Variants in MCTP1 observed in about 807,000 individuals in gnomAD.
MCTP1 encodes the protein multiple C2 and transmembrane domain containing 1, also known as multiple C2 and transmembrane domain-containing protein 1.
Under a neutral mutation model 120.6 loss-of-function variants are expected in MCTP1, and 69 were observed. The ratio of observed to expected loss-of-function variants is 0.57; its 90% CI spans 0.47 to 0.70. The LOEUF (loss-of-function observed/expected upper bound fraction) is 0.70, where lower values mean the gene tolerates loss of function less well. Ranked by LOEUF, MCTP1 falls within the 30% of genes least tolerant of loss-of-function variation. The pLI is 0.00. For missense variants in MCTP1, 1,203 were observed against 1,248.8 expected (o/e 0.96, Z 0.55); for synonymous variants, 529 against 493.1 (o/e 1.07, Z -0.96).
chr5:95,080,588 C>G lies in MCTP1; in HGVS notation c.721-63104G>C, dbSNP rs1754678746. Among the ~76,000 whole-genome samples, 3 of 152,100 alleles carry G rather than the reference C, an allele frequency of 2.0e-5. No homozygotes were observed. In the South Asian group the frequency reaches 6.2e-4, roughly 32 times the overall value. On this transcript the variant is annotated intron_variant, in intron 1 of 22. Coordinates refer to ENST00000515393, the MANE Select transcript of MCTP1 (RefSeq NM_024717.7). ...TTTCTAGCTGAAAGGAATTTAAAGGCCTTAAATATGAGTATGCAAAGTTCT... is the reference window on the plus strand; with the variant it reads ...TTTCTAGCTGAAAGGAATTTAAAGGGCTTAAATATGAGTATGCAAAGTTCT...
rs886441424 is a variant in MCTP1 at position 94,776,330 on chromosome 5, T to C, written c.2610+2780A>G. ...CTCTAAAGAAAGACACTTTTCATAA[T>C]CGCCCAACAATCTGCTAAGTGAAAA... is the stretch of plus-strand genomic sequence containing the variant. On this transcript the variant is annotated intron_variant, in intron 19 of 22. Transcript: ENST00000515393. Among the ~76,000 whole-genome samples, 8 of 152,134 alleles carry C rather than the reference T, an allele frequency of 5.3e-5. No individual in the cohort carries two copies. In the East Asian group the frequency reaches 1.5e-3, roughly 29 times the overall value.
chr5:94,772,609 G>T (rs1477012705), intron 19 of MCTP1, among the ~76,000 whole-genome samples: 3 of 152,096 alleles, frequency 2.0e-5, no homozygotes, highest in African/African-American at 7.2e-5. Context: ...GGGCATTTTT[G>T]ATATTATTCT....
At chr5:95,241,775 T>C (rs1756188799) in intron 1 of MCTP1, among the ~76,000 whole-genome samples, 1 of 152,180 alleles carries the variant, frequency 6.6e-6, no homozygotes, top group Non-Finnish European at 1.5e-5. Context: ...TATTTCTACC[T>C]GGCAGCAACA....
chr5:95,005,777 T>C (rs1183058603), intron 2 of MCTP1, among the ~76,000 whole-genome samples: 2 of 151,992 alleles, frequency 1.3e-5, no homozygotes, highest in Non-Finnish European at 2.9e-5. Context: ...TTTATTTTTT[T>C]TTTTTTTTAC....
chr5:94,746,412 T>C (rs1766917475), intron 19 of MCTP1, among the ~76,000 whole-genome samples: 1 of 152,198 alleles, frequency 6.6e-6, no homozygotes, highest in Non-Finnish European at 1.5e-5. Context: ...CCCTAATAAG[T>C]GCTAATATTA....
In MCTP1 at chr5:94,999,870, T is replaced by C. The variant is rs371986441; in HGVS notation, c.838+17497A>G. ...GAAGAAAGGAATCCCCCCACACACATAGTGTTATAGATAAACACTGGAGAA... is the reference window on the plus strand; with the variant it reads ...GAAGAAAGGAATCCCCCCACACACACAGTGTTATAGATAAACACTGGAGAA... On this transcript the variant is annotated intron_variant, in intron 2 of 22. Coordinates refer to ENST00000515393, the MANE Select transcript of MCTP1 (RefSeq NM_024717.7). Among the ~76,000 whole-genome samples the C allele has an allele frequency of 3.3e-4, 51 of 152,282 alleles. No individual in the cohort carries two copies. In the South Asian group the frequency reaches 0.01, roughly 31 times the overall value.
intron 1 of MCTP1, among the ~76,000 whole-genome samples, chr5:95,083,386 C>A (rs1755163058): frequency 6.6e-6 from 1 of 152,116 alleles, no homozygotes; most frequent in Non-Finnish European, 1.5e-5. Flanking sequence ...ACACTTTAAT[C>A]CCAGTGATGT....
intron 3 of MCTP1, among the ~76,000 whole-genome samples, chr5:94,952,126 C>T (rs955381340): frequency 1.4e-5 from 2 of 141,024 alleles, no homozygotes; most frequent in African/African-American, 5.4e-5. Flanking sequence ...GAGCCAAGAT[C>T]GTGCCACTGC....
chr5:94,862,942 A>C lies in MCTP1; in HGVS notation c.2436+5391T>G, dbSNP rs182591019. Among the ~76,000 whole-genome samples, 16 of 151,960 alleles carry C rather than the reference A, an allele frequency of 1.1e-4. No homozygotes were observed. The East Asian group carries it at 3.1e-3, about 30-fold the overall frequency. ...AAGTGTCAATACTTCTTGACTCTGC[A>C]AAAGGAAGTTAGGGCAACCTTAAAA... On this transcript the variant is annotated intron_variant, in intron 17 of 22. Coordinates refer to ENST00000515393, the MANE Select transcript of MCTP1 (RefSeq NM_024717.7).
intron 17 of MCTP1, among the ~76,000 whole-genome samples, chr5:94,829,274 C>G (rs1021032023): frequency 6.6e-6 from 1 of 152,172 alleles, no homozygotes; most frequent in East Asian, 1.9e-4. Context: ...CACCCTGCTT[C>G]AGCTCGCCCT....
Position 95,284,195 on chromosome 5 carries a change from C to A in MCTP1, c.381G>T (p.Glu127Asp). ...QGSTLRRRIR[E>D]HLLPAVKGPA... ...GCCCCTTTACGGCGGGGAGCAAATG[C>A]TCGCGGATCCGGCGGCGTAGCGTGG... The change falls in exon 1 of 23, where the codon GAG becomes GAT. Residue 127 changes from glutamate to aspartate, a missense_variant. Glu to Asp is a conservative substitution (Grantham distance 45). Transcript: ENST00000515393. The surrounding 1 kb of genome is among the most constrained non-coding windows in gnomAD (Gnocchi z 5.2). The A allele has an allele frequency of 1.3e-6, 2 of 1,546,924 alleles. No individual in the cohort carries two copies. The highest frequency in any genetic ancestry group is 1.7e-6 in the Non-Finnish European group (2 of 1,148,302).
chr5:95,218,407 A>G (rs936268670), intron 1 of MCTP1, among the ~76,000 whole-genome samples: 3 of 152,138 alleles, frequency 2.0e-5, no homozygotes, highest in African/African-American at 7.2e-5. Context: ...TTAATCTAGT[A>G]TTTCCCAATG....
intron 1 of MCTP1, among the ~76,000 whole-genome samples, chr5:95,157,132 A>G (rs1745213701): frequency 6.6e-6 from 1 of 152,252 alleles, no homozygotes; most frequent in Non-Finnish European, 1.5e-5. Flanking sequence ...AAAATCAAAT[A>G]TATATGTAAA....
chr5:95,063,896 A>G (rs765262858), intron 1 of MCTP1, among the ~76,000 whole-genome samples: 121 of 152,322 alleles, frequency 7.9e-4, no homozygotes, highest in Non-Finnish European at 1.7e-3. Context: ...ACCTCAGCCC[A>G]ATTATAACAA....
chr5:94,962,831 TA>T (rs1824613253), intron 2 of MCTP1, among the ~76,000 whole-genome samples: 1 of 152,086 alleles, frequency 6.6e-6, no homozygotes, highest in South Asian at 2.1e-4. Context: ...CTTACTCATG[TA>T]ACCAAATACC....
At chr5:94,915,758 A>T (rs1168524851) in intron 8 of MCTP1, among the ~76,000 whole-genome samples, 1 of 152,058 alleles carries the variant, frequency 6.6e-6, no homozygotes, top group Admixed American at 6.5e-5. Context: ...AGTCAAGTTC[A>T]TGTTCTCATG....
At chr5:95,221,679 C>T (rs1048987592) in intron 1 of MCTP1, among the ~76,000 whole-genome samples, 4 of 152,210 alleles carry the variant, frequency 2.6e-5, no homozygotes, top group African/African-American at 9.7e-5. Flanking sequence ...TATGTATTCT[C>T]TCTTGGCTCC....
At chr5:95,072,083 G>GTGTGTGTA (rs1388844218) in intron 1 of MCTP1, among the ~76,000 whole-genome samples, 1 of 149,728 alleles carries the variant, frequency 6.7e-6, no homozygotes, top group African/African-American at 2.5e-5. Flanking sequence ...CAATTTTCCT[G>GTGTGTGTA]TGTGTGTGTG....
chr5:94,913,010 T>C, intron 8 of MCTP1, 34 bp from the exon 9 acceptor site: 2 of 1,561,480 alleles, frequency 1.3e-6, no homozygotes, highest in Non-Finnish European at 1.7e-6. Context: ...TAGGTTACTG[T>C]GTTTTAAACC....
Sources: gnomAD v4.1 joint callset for allele counts (sites outside exome capture counted in the v4.1 genomes callset) on GRCh38, gnomAD v4.1.1 for gene constraint, Gnocchi (gnomAD v3.1) non-coding constraint, MANE v1.5 for transcripts, NCBI Gene and HGNC (gene_info 2026-07-23, HGNC 2026-07-21) for gene names.